Variants in CDH8 observed in about 807,000 individuals in gnomAD.
CDH8 encodes the protein cadherin 8.
Under a neutral mutation model 68.1 loss-of-function variants are expected in CDH8, and 17 were observed. The observed-to-expected ratio is 0.25, with a 90% CI of 0.17 to 0.37. The LOEUF (loss-of-function observed/expected upper bound fraction) is 0.37, where lower values mean the gene tolerates loss of function less well. CDH8 is among the 10% of genes least tolerant of loss of function. CDH8 has a pLI of 1.00. For synonymous variants in CDH8, 372 were observed against 365.1 expected, an observed-to-expected ratio of 1.02 and a Z score of -0.21; for missense variants, 763 against 999.3, an observed-to-expected ratio of 0.76 and a Z score of 3.19.
intron 2 of CDH8, among the ~76,000 whole-genome samples, chr16:61,916,872 G>A (rs930935361): frequency 1.3e-5 from 2 of 152,068 alleles, no homozygotes; most frequent in African/African-American, 2.4e-5. Context: ...AGGGAGACTC[G>A]GATTCCAAAA....
At chr16:61,769,069 AT>A (rs1180051463) in intron 8 of CDH8, among the ~76,000 whole-genome samples, 1 of 151,850 alleles carries the variant, frequency 6.6e-6, no homozygotes, top group Non-Finnish European at 1.5e-5. Flanking sequence ...TCCATTGGCC[AT>A]TGAGCTAATG....
intron 9 of CDH8, among the ~76,000 whole-genome samples, chr16:61,720,064 C>G (rs8052121): frequency 0.18 from 27,721 of 150,498 alleles, 2,895 homozygotes; most frequent in Middle Eastern, 0.25. Flanking sequence ...GCACAAGTTT[C>G]TATGAAAAAC....
intron 3 of CDH8, among the ~76,000 whole-genome samples, chr16:61,859,299 G>C (rs72798758): frequency 6.6e-5 from 10 of 152,108 alleles, no homozygotes; most frequent in African/African-American, 2.4e-4. Flanking sequence ...GAAGAATTGG[G>C]AGTAAAACCT....
intron 7 of CDH8, among the ~76,000 whole-genome samples, chr16:61,792,468 A>G (rs1961399871): frequency 6.6e-6 from 1 of 152,044 alleles, no homozygotes. Context: ...ACTAAACAGC[A>G]CAAAAATTCT....
chr16:61,758,336 A>G (rs1323733251), intron 8 of CDH8, among the ~76,000 whole-genome samples: 3 of 152,214 alleles, frequency 2.0e-5, no homozygotes, highest in Non-Finnish European at 4.4e-5. Flanking sequence ...TTTTCTCAAT[A>G]CCTAAACAAA....
chr16:61,708,280 C>T (rs117926511), intron 10 of CDH8, among the ~76,000 whole-genome samples: 7,061 of 152,148 alleles, frequency 0.046, 180 homozygotes, highest in Middle Eastern at 0.075. Flanking sequence ...ATTTTGACAA[C>T]CACACCTATA....
intron 2 of CDH8, among the ~76,000 whole-genome samples, chr16:61,969,306 G>A (rs906013664): frequency 7.9e-5 from 12 of 152,164 alleles, no homozygotes; most frequent in Non-Finnish European, 1.6e-4. Context: ...ACTTCAGAAA[G>A]CTAACTCCAA....
chr16:61,967,738 G>T (rs1003296069), intron 2 of CDH8, among the ~76,000 whole-genome samples: 2 of 152,112 alleles, frequency 1.3e-5, no homozygotes, highest in African/African-American at 4.8e-5. Flanking sequence ...TTTTGGATTT[G>T]GGATTTTCAG....
intron 2 of CDH8, among the ~76,000 whole-genome samples, chr16:61,917,356 C>A (rs1026506706): frequency 1.3e-5 from 2 of 152,094 alleles, no homozygotes; most frequent in African/African-American, 2.4e-5. Context: ...AATGCAACAT[C>A]CTGAGATATG....
chr16:61,848,151 A>G (rs573877902), intron 4 of CDH8, among the ~76,000 whole-genome samples: 1 of 152,202 alleles, frequency 6.6e-6, no homozygotes, highest in Non-Finnish European at 1.5e-5. Flanking sequence ...AAGGGACATG[A>G]TACATAGAAA....
chr16:61,988,500 G>C (rs774380648), intron 2 of CDH8, among the ~76,000 whole-genome samples: 2 of 152,072 alleles, frequency 1.3e-5, no homozygotes, highest in Non-Finnish European at 2.9e-5. Flanking sequence ...AACCACCCCT[G>C]ATAACACAGC....
At chr16:61,723,585 C>T (rs962924109) in intron 9 of CDH8, among the ~76,000 whole-genome samples, 1 of 150,570 alleles carries the variant, frequency 6.6e-6, no homozygotes, top group African/African-American at 2.4e-5. Context: ...TAAATGTTTG[C>T]CAGAGAGAAA....
At chr16:61,922,070 C>A (rs1964378468) in intron 2 of CDH8, among the ~76,000 whole-genome samples, 1 of 152,030 alleles carries the variant, frequency 6.6e-6, no homozygotes, top group South Asian at 2.1e-4. Context: ...GCCACCTCTT[C>A]AGAGACAAAT....
chr16:61,686,045 G>A (rs919858043), intron 10 of CDH8, among the ~76,000 whole-genome samples: 3 of 151,914 alleles, frequency 2.0e-5, no homozygotes, highest in African/African-American at 7.3e-5. Context: ...GTCCACATTG[G>A]TTATCTAATT....
intron 8 of CDH8, among the ~76,000 whole-genome samples, chr16:61,752,890 C>T (rs1243387196): frequency 6.6e-6 from 1 of 152,188 alleles, no homozygotes; most frequent in Non-Finnish European, 1.5e-5. Flanking sequence ...TTAGATCAAA[C>T]TGCCTTCTCT....
At chr16:62,030,529 C>G (rs893615583) in intron 1 of CDH8, among the ~76,000 whole-genome samples, 1 of 152,054 alleles carries the variant, frequency 6.6e-6, no homozygotes, top group African/African-American at 2.4e-5. Flanking sequence ...GATGAATCTT[C>G]TTACATAAAA....
At chr16:61,746,556 A>ACAC (rs1960027163) in intron 8 of CDH8, among the ~76,000 whole-genome samples, 1 of 140,110 alleles carries the variant, frequency 7.1e-6, no homozygotes, top group South Asian at 2.4e-4. Context: ...ATTCCCCCCC[A>ACAC]ACACACACAC....
intron 9 of CDH8, among the ~76,000 whole-genome samples, chr16:61,717,294 T>C (rs542869666): frequency 5.8e-4 from 88 of 151,684 alleles, no homozygotes; most frequent in African/African-American, 2.1e-3. Context: ...ATCTGGGATG[T>C]TGGGATAAGG....
rs1402452501 is a variant in CDH8, at chr16:61,654,108, G to GA, written c.1907-8dup. On this transcript the variant is annotated splice_polypyrimidine_tract_variant and splice_region_variant and intron_variant, in intron 11 of 11. Coordinates refer to ENST00000577390, the MANE Select transcript of CDH8 (RefSeq NM_001796.5). ...ACAAACAGCACCACGATGACTAGAG[G>GA]AAAAATATTAAATAACAGTCAGCCA... 2 of 1,603,872 alleles carry GA rather than the reference G, an allele frequency of 1.2e-6. No homozygotes were observed. The highest frequency in any genetic ancestry group is 4.5e-5 in the East Asian group (2 of 44,762).
Sources: gnomAD v4.1 joint callset for allele counts (sites outside exome capture counted in the v4.1 genomes callset) on GRCh38, gnomAD v4.1.1 for gene constraint, MANE v1.5 for transcripts, NCBI Gene and HGNC (gene_info 2026-07-23, HGNC 2026-07-21) for gene names.